Variants in LRRTM4 observed in about 807,000 individuals in gnomAD.
The protein encoded by LRRTM4 is leucine rich repeat transmembrane neuronal 4.
In LRRTM4, 25 loss-of-function variants were observed where a neutral mutation model predicts 47.6. The observed-to-expected ratio is 0.53, with a 90% CI of 0.38 to 0.73. The LOEUF (loss-of-function observed/expected upper bound fraction) is 0.73, where lower values mean the gene tolerates loss of function less well. Ranked by LOEUF, LRRTM4 falls within the 30% of genes least tolerant of loss-of-function variation. The pLI is 0.00. For missense variants in LRRTM4, 638 were observed against 713.4 expected (o/e 0.89, Z 1.20); for synonymous variants, 311 against 269.5 (o/e 1.15, Z -1.51).
chr2:77,018,404 A>G (rs1341149473), intron 3 of LRRTM4, among the ~76,000 whole-genome samples: 1 of 151,704 alleles, frequency 6.6e-6, no homozygotes, highest in East Asian at 1.9e-4. Context: ...TCTCATTTAC[A>G]TCCTTTCAGG....
At chr2:76,925,384 A>C (rs1674557982) in intron 3 of LRRTM4, among the ~76,000 whole-genome samples, 1 of 152,124 alleles carries the variant, frequency 6.6e-6, no homozygotes, top group Non-Finnish European at 1.5e-5. Context: ...TTTAACAAAA[A>C]TCACAGCCTC....
At chr2:76,858,525 C>G (rs1377589318) in intron 3 of LRRTM4, among the ~76,000 whole-genome samples, 1 of 152,038 alleles carries the variant, frequency 6.6e-6, no homozygotes. Context: ...TGTTTTGTTT[C>G]TATGGGGAAC....
intron 3 of LRRTM4, among the ~76,000 whole-genome samples, chr2:76,958,636 G>C (rs964873569): frequency 1.3e-5 from 2 of 151,558 alleles, no homozygotes; most frequent in Non-Finnish European, 3.0e-5. Context: ...CATAACTCTT[G>C]AATTTCACTC....
intron 3 of LRRTM4, among the ~76,000 whole-genome samples, chr2:77,080,498 A>G (rs949772069): frequency 1.3e-5 from 2 of 152,138 alleles, no homozygotes; most frequent in African/African-American, 4.8e-5. Context: ...TGATAATCTA[A>G]CAGGCAAATC....
chr2:76,923,974 G>GT (rs1674511644), intron 3 of LRRTM4, among the ~76,000 whole-genome samples: 1 of 151,916 alleles, frequency 6.6e-6, no homozygotes, highest in African/African-American at 2.4e-5. Context: ...GGTGTGGAGT[G>GT]TTTTTTACAG....
At chr2:77,481,148 C>A (rs1449910488) in intron 3 of LRRTM4, among the ~76,000 whole-genome samples, 1 of 152,148 alleles carries the variant, frequency 6.6e-6, no homozygotes, top group African/African-American at 2.4e-5. Context: ...ATTAACTAAC[C>A]TTATAGAATA....
chr2:77,349,779 A>C (rs895153487), intron 3 of LRRTM4, among the ~76,000 whole-genome samples: 8 of 152,152 alleles, frequency 5.3e-5, no homozygotes, highest in Non-Finnish European at 1.0e-4. Flanking sequence ...TCCAGCATAT[A>C]TGAAAATGTT....
chr2:77,116,497 A>C (rs1671393048), intron 3 of LRRTM4, among the ~76,000 whole-genome samples: 1 of 152,144 alleles, frequency 6.6e-6, no homozygotes, highest in African/African-American at 2.4e-5. Flanking sequence ...ATAAAAGCTT[A>C]CTGGTTATTT....
intron 3 of LRRTM4, among the ~76,000 whole-genome samples, chr2:76,982,175 A>C (rs1004549103): frequency 3.3e-5 from 5 of 152,056 alleles, no homozygotes; most frequent in African/African-American, 1.2e-4. Context: ...TTTCACCTGA[A>C]GAGAAAATCA....
chr2:77,308,799 T>TTTTTGC (rs1001098820), intron 3 of LRRTM4, among the ~76,000 whole-genome samples: 1 of 152,028 alleles, frequency 6.6e-6, no homozygotes, highest in Non-Finnish European at 1.5e-5. Flanking sequence ...TTTGTTTTTG[T>TTTTTGC]TTTTGCTTTT....
chr2:77,310,302 A>T (rs1677416263), intron 3 of LRRTM4, among the ~76,000 whole-genome samples: 4 of 152,118 alleles, frequency 2.6e-5, no homozygotes, highest in Admixed American at 1.3e-4. Context: ...ACACAGCAAC[A>T]TACACACACA....
chr2:76,925,680 T>C (rs775295636), intron 3 of LRRTM4, among the ~76,000 whole-genome samples: 3 of 152,140 alleles, frequency 2.0e-5, no homozygotes, highest in South Asian at 2.1e-4. Context: ...TTTTATTAGG[T>C]TCCTATCTTT....
At chr2:76,753,815 T>C (rs1027147250) in intron 3 of LRRTM4, among the ~76,000 whole-genome samples, 1 of 152,138 alleles carries the variant, frequency 6.6e-6, no homozygotes. Flanking sequence ...TCTTGATATA[T>C]ATGATTGTGA....
chr2:76,831,350 C>CG (rs1671347338), intron 3 of LRRTM4, among the ~76,000 whole-genome samples: 1 of 152,046 alleles, frequency 6.6e-6, no homozygotes, highest in African/African-American at 2.4e-5. Context: ...TGCACACGCT[C>CG]GCATTTGTGT....
intron 3 of LRRTM4, among the ~76,000 whole-genome samples, chr2:77,038,192 A>G (rs1416170554): frequency 6.6e-6 from 1 of 151,604 alleles, no homozygotes; most frequent in Non-Finnish European, 1.5e-5. Flanking sequence ...CATCCTTACT[A>G]TGGTTTTCAT....
At chr2:76,952,366 C>A (rs938485466) in intron 3 of LRRTM4, among the ~76,000 whole-genome samples, 1 of 151,998 alleles carries the variant, frequency 6.6e-6, no homozygotes, top group East Asian at 1.9e-4. Context: ...CAACAAATAA[C>A]CTCATTTAAA....
intron 3 of LRRTM4, among the ~76,000 whole-genome samples, chr2:76,776,372 C>G (rs1413514759): frequency 3.9e-5 from 6 of 152,240 alleles, no homozygotes; most frequent in African/African-American, 1.4e-4. Context: ...ACAGTCCCAC[C>G]AACAGTGTAA....
chr2:76,778,955 G>A (rs2104146652), intron 3 of LRRTM4, among the ~76,000 whole-genome samples: 1 of 150,856 alleles, frequency 6.6e-6, no homozygotes, highest in Non-Finnish European at 1.5e-5. Context: ...ATTCTGGTAT[G>A]TTGTGTCTTT....
chr2:76,804,144 A>G (rs1675843974), intron 3 of LRRTM4, among the ~76,000 whole-genome samples: 1 of 152,172 alleles, frequency 6.6e-6, no homozygotes, highest in Non-Finnish European at 1.5e-5. Flanking sequence ...GTGTGACTAC[A>G]TGCTGAGTCC....
Sources: gnomAD v4.1 joint callset for allele counts (sites outside exome capture counted in the v4.1 genomes callset) on GRCh38, gnomAD v4.1.1 for gene constraint, MANE v1.5 for transcripts, NCBI Gene and HGNC (gene_info 2026-07-23, HGNC 2026-07-21) for gene names.